The following MCTP1 variants were observed in gnomAD, a reference collection of about 807,000 sequenced individuals.
MCTP1 encodes multiple C2 and transmembrane domain-containing protein 1.
In MCTP1, 69 loss-of-function variants were observed where a neutral mutation model predicts 120.6. The ratio of observed to expected loss-of-function variants is 0.57; its 90% CI spans 0.47 to 0.70. The LOEUF is 0.70. Ranked by LOEUF, MCTP1 falls within the 30% of genes least tolerant of loss-of-function variation. The pLI, the probability that MCTP1 is intolerant of heterozygous loss-of-function variation, is 0.00. For missense variants in MCTP1, 1,203 were observed against 1,248.8 expected (o/e 0.96, Z 0.55); for synonymous variants, 529 against 493.1 (o/e 1.07, Z -0.96).
intron 10 of MCTP1, among the ~76,000 whole-genome samples, chr5:94,906,186 G>A (rs1806853781): frequency 1.3e-5 from 2 of 152,078 alleles, no homozygotes; most frequent in African/African-American, 4.8e-5. Context: ...ATTAGTTCAA[G>A]TAAGAATGGA....
intron 1 of MCTP1, among the ~76,000 whole-genome samples, chr5:95,200,288 A>C (rs991068167): frequency 3.3e-5 from 5 of 152,230 alleles, no homozygotes; most frequent in Non-Finnish European, 5.9e-5. Flanking sequence ...ACCAGTATGG[A>C]AATTCCTCAA....
At chr5:95,131,334 C>T (rs995729467) in intron 1 of MCTP1, among the ~76,000 whole-genome samples, 1 of 152,048 alleles carries the variant, frequency 6.6e-6, no homozygotes, top group Non-Finnish European at 1.5e-5. Context: ...CAGGCTGAGC[C>T]CCTGAAAATG....
rs141202959 is a variant in MCTP1 at position 95,139,584 on chromosome 5, A to G, written c.721-122100T>C. The stretch of plus-strand genomic sequence containing the variant: ...GAGTCTCAAAATCAACCTTATTTTA[A>G]AAAGTTAATTTTAAAAAGATAAATT... On this transcript the variant is annotated intron_variant, in intron 1 of 22. Transcript: ENST00000515393. 5.3e-3 allele frequency among the ~76,000 whole-genome samples: 809 copies of G among 152,334 alleles called. 3 individuals carry two copies. The highest frequency in any genetic ancestry group is 8.6e-3 in the Non-Finnish European group (585 of 68,024).
chr5:95,197,556 C>G (rs144430867), intron 1 of MCTP1, among the ~76,000 whole-genome samples: 85 of 152,108 alleles, frequency 5.6e-4, no homozygotes, highest in Admixed American at 2.4e-3. Flanking sequence ...AGTAAGATCT[C>G]TACGACATAT....
chr5:94,835,979 G>A (rs1258658202), intron 17 of MCTP1, among the ~76,000 whole-genome samples: 1 of 152,128 alleles, frequency 6.6e-6, no homozygotes, highest in East Asian at 1.9e-4. Context: ...ACTCCAGCCT[G>A]GGCGACAGAG....
chr5:95,235,744 C>A (rs1292394914), intron 1 of MCTP1, among the ~76,000 whole-genome samples: 1 of 152,076 alleles, frequency 6.6e-6, no homozygotes, highest in East Asian at 1.9e-4. Flanking sequence ...GTAAAACTGT[C>A]TTTATTCACA....
At chr5:95,024,091 T>G in intron 1 of MCTP1, 1 of 450,352 alleles carries the variant, frequency 2.2e-6, no homozygotes, top group Admixed American at 2.4e-5. Flanking sequence ...GTGCAGAAGC[T>G]TTTCAATTTG....
intron 17 of MCTP1, among the ~76,000 whole-genome samples, chr5:94,851,763 T>C (rs1046484318): frequency 1.4e-4 from 22 of 152,014 alleles, no homozygotes; most frequent in African/African-American, 5.3e-4. Flanking sequence ...TTCTGATTTA[T>C]AGACAACTGT....
chr5:94,953,353 C>T lies in MCTP1; in HGVS notation c.847G>A (p.Asp283Asn). 1.9e-6 allele frequency: 3 copies of T among 1,604,262 alleles called. No individual in the cohort carries two copies. The highest frequency in any genetic ancestry group is 2.6e-6 in the Non-Finnish European group (3 of 1,174,550). ...CCGATTTTAAACTTCACATATGGAT[C>T]ACTCGTCCCTGTTAAATAGATAGAT... ...LAARDRGGTS[D>N]PYVKFKIGGK... The change falls in exon 3 of 23, where the codon GAT becomes AAT. Residue 283 changes from aspartate to asparagine, a missense_variant. Asp to Asn is a conservative substitution (Grantham distance 23). Around this residue, in one of 2 missense-constraint regions of MCTP1, gnomAD observed 740 missense variants for 871.1 expected, o/e 0.85. Transcript: ENST00000515393.
At chr5:95,073,446 A>G (rs560227972) in intron 1 of MCTP1, among the ~76,000 whole-genome samples, 2 of 152,020 alleles carry the variant, frequency 1.3e-5, no homozygotes, top group Non-Finnish European at 2.9e-5. Flanking sequence ...CATCTCCTCA[A>G]CCTTACTGAG....
Position 94,857,090 on chromosome 5 carries a change from C to T in MCTP1, c.2436+11243G>A, listed in dbSNP as rs560497732. Among the ~76,000 whole-genome samples, 9 of 151,808 alleles carry T rather than the reference C, an allele frequency of 5.9e-5. No individual in the cohort carries two copies. The East Asian group carries it at 1.6e-3, about 26-fold the overall frequency. ...GGAGGACATAAATGTATCCCCCATT[C>T]ACCCTTTTATGATGCCTGATACACC... On this transcript the variant is annotated intron_variant, in intron 17 of 22. Coordinates refer to ENST00000515393, the MANE Select transcript of MCTP1 (RefSeq NM_024717.7).
At chr5:95,054,976 T>C (rs932466403) in intron 1 of MCTP1, among the ~76,000 whole-genome samples, 2 of 152,114 alleles carry the variant, frequency 1.3e-5, no homozygotes, top group African/African-American at 4.8e-5. Context: ...CCTGGCTAAT[T>C]TTTGTATTTT....
chr5:95,135,600 T>C lies in MCTP1; in HGVS notation c.721-118116A>G, dbSNP rs1409745481. On this transcript the variant is annotated intron_variant, in intron 1 of 22. Transcript: ENST00000515393. Reference sequence around the variant, plus strand: ...GCAGAAAAACGTGAAGAAGCAAGACTGGCCTAGCCTCCCAGCCTACATCTT... The same window carrying C: ...GCAGAAAAACGTGAAGAAGCAAGACCGGCCTAGCCTCCCAGCCTACATCTT... Among the ~76,000 whole-genome samples the C allele has an allele frequency of 2.0e-5, 3 of 152,194 alleles. No individual in the cohort carries two copies. In the East Asian group the frequency reaches 5.8e-4, roughly 29 times the overall value.
intron 1 of MCTP1, among the ~76,000 whole-genome samples, chr5:95,257,115 A>C (rs1757969570): frequency 6.6e-6 from 1 of 152,210 alleles, no homozygotes. Flanking sequence ...GTTCTTACAT[A>C]ATTTCAATAC....
intron 1 of MCTP1, among the ~76,000 whole-genome samples, chr5:95,245,634 A>T (rs1004949381): frequency 2.5e-4 from 38 of 151,400 alleles, no homozygotes; most frequent in Non-Finnish European, 4.7e-4. Context: ...AAAAAAAAAA[A>T]GAGTGAAAAG....
intron 1 of MCTP1, among the ~76,000 whole-genome samples, chr5:95,229,740 C>T (rs76762422): frequency 2.2e-4 from 27 of 121,066 alleles, no homozygotes; most frequent in Non-Finnish European, 8.9e-5. Context: ...GACTCCATCT[C>T]AAAAAAAAAA....
intron 22 of MCTP1, chr5:94,708,235 C>CT (rs1755363358): frequency 1.6e-5 from 4 of 243,026 alleles, no homozygotes; most frequent in Admixed American, 5.2e-5. Flanking sequence ...GTCATACTCC[C>CT]TGTCACAAAC....
Position 95,042,237 on chromosome 5 carries a change from A to G in MCTP1, c.721-24753T>C, listed in dbSNP as rs118068710. Among the ~76,000 whole-genome samples, 15 of 152,316 alleles carry G rather than the reference A, an allele frequency of 9.8e-5. No homozygotes were observed. In the East Asian group the frequency reaches 2.7e-3, roughly 27 times the overall value. On this transcript the variant is annotated intron_variant, in intron 1 of 22. Transcript: ENST00000515393. Reference sequence around the variant, plus strand: ...TTATACAACCAAAGCAAATAGTATTAGGCATATTTACCGGGCAAATGAATG... The same window carrying G: ...TTATACAACCAAAGCAAATAGTATTGGGCATATTTACCGGGCAAATGAATG...
chr5:95,154,911 C>G (rs1038752494), intron 1 of MCTP1, among the ~76,000 whole-genome samples: 1 of 151,468 alleles, frequency 6.6e-6, no homozygotes, highest in African/African-American at 2.4e-5. Flanking sequence ...AGAGTTTTTT[C>G]AACATATAAG....
Sources: gnomAD v4.1 joint callset for allele counts (sites outside exome capture counted in the v4.1 genomes callset) on GRCh38, gnomAD v4.1.1 for gene constraint, gnomAD v4.1.1 regional missense constraint, MANE v1.5 for transcripts, NCBI Gene and HGNC (gene_info 2026-07-23, HGNC 2026-07-21) for gene names.